The following TUBA3D variants were observed in gnomAD, a reference collection of about 807,000 sequenced individuals.
TUBA3D encodes the protein tubulin alpha-3D chain.
Under a neutral mutation model 36.1 loss-of-function variants are expected in TUBA3D, and 24 were observed. The observed-to-expected ratio is 0.66, with a 90% CI of 0.48 to 0.93. The LOEUF (loss-of-function observed/expected upper bound fraction) is 0.93, where lower values mean the gene tolerates loss of function less well. TUBA3D is among the 40% of genes least tolerant of loss of function. The pLI is 0.00. For missense variants in TUBA3D, 356 were observed against 614.5 expected (o/e 0.58, Z 4.45); for synonymous variants, 185 against 247.2 (o/e 0.75, Z 2.36).
At chr2:131,477,274 A>G (rs6731490) in intron 1 of TUBA3D, among the ~76,000 whole-genome samples, 25,540 of 151,360 alleles carry the variant, frequency 0.17, 3,975 homozygotes, top group African/African-American at 0.41. Context: ...GTCCCAAGTG[A>G]TCCTCTCACC....
intron 1 of TUBA3D, among the ~76,000 whole-genome samples, chr2:131,476,526 C>G (rs1437534649): frequency 5.3e-5 from 8 of 152,170 alleles, no homozygotes; most frequent in Non-Finnish European, 7.3e-5. Flanking sequence ...TTGTGCTACT[C>G]GAAACAACTG....
chr2:131,482,765 G>C lies in TUBA3D; in HGVS notation c.1270G>C (p.Asp424His), dbSNP rs748673517. The change falls in exon 5 of 5, where the codon GAC becomes CAC. Residue 424 changes from aspartate (D) to histidine (H), a missense_variant. Coordinates refer to ENST00000321253, the MANE Select transcript of TUBA3D (RefSeq NM_080386.4). ...GGGAGAGTTCTCTGAGGCCCGCGAGGACCTGGCAGCTCTAGAGAAGGATTA... is the reference window on the plus strand; with the variant it reads ...GGGAGAGTTCTCTGAGGCCCGCGAGCACCTGGCAGCTCTAGAGAAGGATTA... ...EEGEFSEARE[D>H]LAALEKDYEE... 17 of 1,614,222 alleles carry C rather than the reference G, an allele frequency of 1.1e-5. No homozygotes were observed. The Admixed American group carries it at 2.8e-4, about 27-fold the overall frequency.
At chr2:131,479,275 A>G in intron 2 of TUBA3D, 33 bp from the exon 3 acceptor site, 1 of 1,609,666 alleles carries the variant, frequency 6.2e-7, no homozygotes, top group Non-Finnish European at 8.5e-7. Context: ...TACAGGCCTT[A>G]AAAATTCACA....
chr2:131,476,246 G>C (rs570202778), intron 1 of TUBA3D, 44 bp downstream of exon 1: 1 of 1,613,742 alleles, frequency 6.2e-7, no homozygotes, highest in Admixed American at 1.7e-5. Flanking sequence ...CCAGGCAGAC[G>C]AAGTTGGCCT....
At chr2:131,481,065 G>A (rs867685950) in intron 4 of TUBA3D, among the ~76,000 whole-genome samples, 67 of 151,952 alleles carry the variant, frequency 4.4e-4, no homozygotes, top group Middle Eastern at 3.4e-3. Context: ...TACCACGCCC[G>A]GCTAATTTTT....
rs192621893 is a variant in TUBA3D at position 131,477,660 on chromosome 2, A to G, written c.4-504A>G. ...GCCTCTGATGCTGTTCTCAAGGGTC[A>G]GCCTTCGAGAGCACAGAGCAGGTGG... On this transcript the variant is annotated intron_variant, in intron 1 of 4. Transcript: ENST00000321253. Among the ~76,000 whole-genome samples, 806 of 151,236 alleles carry G rather than the reference A, an allele frequency of 5.3e-3. 10 individuals carry two copies. The highest frequency in any genetic ancestry group is 0.019 in the African/African-American group (766 of 40,602).
intron 1 of TUBA3D, among the ~76,000 whole-genome samples, chr2:131,477,524 A>T (rs1031004242): frequency 6.6e-6 from 1 of 151,116 alleles, no homozygotes; most frequent in African/African-American, 2.5e-5. Flanking sequence ...ACAGCAGTTG[A>T]GCAGGAAGGG....
intron 1 of TUBA3D, 112 bp downstream of exon 1, chr2:131,476,314 A>T (rs1678665121): frequency 6.3e-7 from 1 of 1,579,252 alleles, no homozygotes; most frequent in Non-Finnish European, 8.6e-7. Context: ...CCAGAGAAGG[A>T]CGCAGGGTCT....
chr2:131,478,057 C>T, intron 1 of TUBA3D, 107 bp from the exon 2 acceptor site: 1 of 1,446,722 alleles, frequency 6.9e-7, no homozygotes, highest in South Asian at 1.4e-5. Context: ...TGTGAAAGCG[C>T]CAGATACTGA....
chr2:131,480,708 C>T lies in TUBA3D; in HGVS notation c.1015C>T (p.Arg339Cys), dbSNP rs144329611. The stretch of plus-strand genomic sequence containing the variant: ...GGCCATCGCCACCATCAAGACCAAG[C>T]GCACCATCCAGTTTGTGGATTGGTG... ...NAAIATIKTKRTIQFVDWCPT... is the reference protein window; with the variant it reads ...NAAIATIKTKCTIQFVDWCPT... The change falls in exon 4 of 5, where the codon CGC becomes TGC. Residue 339 changes from arginine to cysteine, a missense_variant. By Grantham distance (180) the Arg-to-Cys change is radical. Coordinates refer to ENST00000321253, the MANE Select transcript of TUBA3D (RefSeq NM_080386.4). The T allele has an allele frequency of 8.9e-5, 144 of 1,612,572 alleles. No homozygotes were observed. Among genetic ancestry groups the T allele is most frequent in the Admixed American group, 2.7e-4 (16 of 59,964 alleles).
At chr2:131,478,448 C>CACACGGGGCTTTA in intron 2 of TUBA3D, 62 bp downstream of exon 2, 1 of 1,449,892 alleles carries the variant, frequency 6.9e-7, no homozygotes, top group Non-Finnish European at 9.3e-7. Context: ...TGGTAAAGCC[C>CACACGGGGCTTTA]CGTGTGGGCT....
At chr2:131,479,599 G>C in intron 3 of TUBA3D, 143 bp downstream of exon 3, 2 of 1,482,002 alleles carry the variant, frequency 1.3e-6, no homozygotes, top group Non-Finnish European at 1.8e-6. Flanking sequence ...CAGCACTTTG[G>C]GAGGCTAAAG....
At chr2:131,478,587 C>T in intron 2 of TUBA3D, 1 of 956,530 alleles carries the variant, frequency 1.0e-6, no homozygotes, top group Non-Finnish European at 1.5e-6. Flanking sequence ...AAAACCTGAC[C>T]TACAGGGAAA....
chr2:131,479,726 G>T (rs1678787781), intron 3 of TUBA3D, among the ~76,000 whole-genome samples: 1 of 152,134 alleles, frequency 6.6e-6, no homozygotes, highest in Non-Finnish European at 1.5e-5. Context: ...TGTACTCCCA[G>T]CTACTTGAGA....
chr2:131,478,207 T>A lies in TUBA3D; in HGVS notation c.47T>A (p.Ile16Asn). 1 of 1,614,142 alleles carries A rather than the reference T, an allele frequency of 6.2e-7. No individual in the cohort carries two copies. Among genetic ancestry groups the A allele is most frequent in the Non-Finnish European group, 8.5e-7 (1 of 1,179,942 alleles). Residue 16 changes from isoleucine (I) to asparagine (N), a missense_variant, in exon 2 of 5, where the codon ATC becomes AAC. Ile to Asn is a moderately radical substitution (Grantham distance 149). Coordinates refer to ENST00000321253, the MANE Select transcript of TUBA3D (RefSeq NM_080386.4). The stretch of plus-strand genomic sequence containing the variant: ...CACGTGGGGCAGGCGGGTGTCCAGA[T>A]CGGCAATGCCTGCTGGGAACTGTAC... ...SIHVGQAGVQ[I>N]GNACWELYCL...
At position 131,480,511 on chromosome 2, in the gene TUBA3D, C is replaced by T. The variant is rs763805431; in HGVS notation, c.818C>T (p.Ala273Val). Residue 273 changes from alanine to valine, a missense_variant, in exon 4 of 5, where the codon GCC (alanine) becomes GTC (valine). Ala to Val is a moderately conservative substitution (Grantham distance 64). Coordinates refer to ENST00000321253, the MANE Select transcript of TUBA3D (RefSeq NM_080386.4). ...PRIHFPLATY[A>V]PVISAEKAYH... ...ATCCACTTCCCCCTGGCCACCTATG[C>T]CCCAGTCATCTCAGCTGAGAAGGCC... is the stretch of plus-strand genomic sequence containing the variant. 2.5e-6 allele frequency: 4 copies of T among 1,597,674 alleles called. 1 individual carries two copies. Among genetic ancestry groups the T allele is most frequent in the Non-Finnish European group, 3.4e-6 (4 of 1,174,798 alleles).
chr2:131,476,293 C>T, intron 1 of TUBA3D, 91 bp downstream of exon 1: 1 of 1,602,168 alleles, frequency 6.2e-7, no homozygotes. Context: ...GGCCTGGGCG[C>T]TGAGAGGAGG....
At chr2:131,476,535 T>TGAGGAGCCC (rs1433908526) in intron 1 of TUBA3D, among the ~76,000 whole-genome samples, 5 of 152,206 alleles carry the variant, frequency 3.3e-5, no homozygotes, top group South Asian at 2.1e-4. Context: ...TCGAAACAAC[T>TGAGGAGCCC]GAGGAGCCCC....
chr2:131,481,184 G>A (rs1393835179), intron 4 of TUBA3D, among the ~76,000 whole-genome samples: 1 of 151,916 alleles, frequency 6.6e-6, no homozygotes, highest in African/African-American at 2.4e-5. Context: ...GATTACAGTC[G>A]TGAGCCACTG....
Sources: gnomAD v4.1 joint callset for allele counts (sites outside exome capture counted in the v4.1 genomes callset) on GRCh38, gnomAD v4.1.1 for gene constraint, MANE v1.5 for transcripts, NCBI Gene and HGNC (gene_info 2026-07-23, HGNC 2026-07-21) for gene names.